Variants in TCF7L2 observed in about 807,000 individuals in gnomAD.
The protein encoded by TCF7L2 is transcription factor 7 like 2.
Under a neutral mutation model 77.9 loss-of-function variants are expected in TCF7L2, and 23 were observed. That is an observed-to-expected ratio of 0.30 (90% confidence interval 0.21 to 0.42). The LOEUF is 0.42. TCF7L2 is among the 10% of genes least tolerant of loss of function. TCF7L2 has a pLI of 1.00. For missense variants in TCF7L2, 654 were observed against 793.1 expected, an observed-to-expected ratio of 0.82 and a Z score of 2.11; for synonymous variants, 413 against 340.2, an observed-to-expected ratio of 1.21 and a Z score of -2.36.
chr10:113,067,824 G>A (rs560050666), intron 5 of TCF7L2, among the ~76,000 whole-genome samples: 83 of 147,702 alleles, frequency 5.6e-4, no homozygotes, highest in African/African-American at 1.4e-3. Context: ...CCTTTAGCTC[G>A]GACACTTAGA....
chr10:113,083,317 C>T (rs2059503595), intron 5 of TCF7L2, among the ~76,000 whole-genome samples: 2 of 151,680 alleles, frequency 1.3e-5, no homozygotes, highest in African/African-American at 2.4e-5. Flanking sequence ...CCCATACTCA[C>T]ACCTTGCCAC....
intron 4 of TCF7L2, among the ~76,000 whole-genome samples, chr10:113,014,558 C>T (rs150273630): frequency 4.6e-5 from 7 of 151,844 alleles, no homozygotes; most frequent in Non-Finnish European, 8.8e-5. Context: ...TTTGGGAGGC[C>T]GAGGGGGCGC....
At chr10:112,963,713 T>C (rs2035861075) in intron 3 of TCF7L2, among the ~76,000 whole-genome samples, 1 of 152,194 alleles carries the variant, frequency 6.6e-6, no homozygotes, top group African/African-American at 2.4e-5. Context: ...AAGATGAGAA[T>C]TGGGTGAACA....
intron 5 of TCF7L2, among the ~76,000 whole-genome samples, chr10:113,043,763 T>C (rs929116806): frequency 1.3e-5 from 2 of 152,196 alleles, no homozygotes; most frequent in East Asian, 3.9e-4. Context: ...ATTTATATTT[T>C]TAATTCTTTG....
chr10:113,081,979 A>G (rs971328447), intron 5 of TCF7L2, among the ~76,000 whole-genome samples: 2 of 152,182 alleles, frequency 1.3e-5, no homozygotes, highest in African/African-American at 4.8e-5. Context: ...GTGGGATTAC[A>G]GGTGCCTGCC....
chr10:112,993,181 A>G (rs1378475360), intron 4 of TCF7L2, among the ~76,000 whole-genome samples: 2 of 152,162 alleles, frequency 1.3e-5, no homozygotes. Flanking sequence ...AGAGTCTTCC[A>G]GGGGCAGGAC....
At chr10:113,040,412 A>G (rs2052233917) in intron 5 of TCF7L2, among the ~76,000 whole-genome samples, 1 of 152,212 alleles carries the variant, frequency 6.6e-6, no homozygotes, top group Non-Finnish European at 1.5e-5. Flanking sequence ...CACAATCACC[A>G]TGGTATGGAG....
chr10:113,008,174 C>T (rs542205777), intron 4 of TCF7L2, among the ~76,000 whole-genome samples: 4 of 152,098 alleles, frequency 2.6e-5, no homozygotes, highest in African/African-American at 9.7e-5. Context: ...TTCAGATTTT[C>T]ATCCAAAGCT....
intron 8 of TCF7L2, 49 bp from the exon 9 acceptor site, chr10:113,150,949 C>T (rs2137123449): frequency 1.9e-6 from 3 of 1,611,064 alleles, no homozygotes; most frequent in Non-Finnish European, 2.5e-6. Context: ...CATCCCTCCT[C>T]ATTCATTCAT....
chr10:112,952,463 AG>A (rs914556971), intron 3 of TCF7L2, among the ~76,000 whole-genome samples: 1 of 151,914 alleles, frequency 6.6e-6, no homozygotes, highest in African/African-American at 2.4e-5. Context: ...TGGGGCGGGG[AG>A]GCCCCTGCGG....
chr10:113,004,801 T>C (rs1461749298), intron 4 of TCF7L2, among the ~76,000 whole-genome samples: 1 of 152,040 alleles, frequency 6.6e-6, no homozygotes, highest in Non-Finnish European at 1.5e-5. Context: ...GCCTCCTGAG[T>C]AGCTGGGATG....
chr10:113,079,587 A>T (rs962464108), intron 5 of TCF7L2, among the ~76,000 whole-genome samples: 8 of 152,176 alleles, frequency 5.3e-5, no homozygotes. Flanking sequence ...ATCCCTAAAA[A>T]CTGAGGGTTG....
intron 4 of TCF7L2, among the ~76,000 whole-genome samples, chr10:112,989,677 C>G (rs1234987386): frequency 1.3e-5 from 2 of 152,122 alleles, no homozygotes; most frequent in African/African-American, 4.8e-5. Context: ...GGATGGCAGT[C>G]CTTGCTTGCT....
chr10:112,951,572 C>G lies in TCF7L2; in HGVS notation c.346C>G (p.Leu116Val). ...GATCCCCGACCTGACGAGCCCCTAC[C>G]TCCCCAACGGATCGCTCTCGCCCAC... is the stretch of plus-strand genomic sequence containing the variant. Residue 116 changes from leucine to valine, a missense_variant, in exon 3 of 14, where the codon CTC (leucine) becomes GTC (valine). Leu to Val is a conservative substitution (Grantham distance 32). Around this residue, in one of 6 missense-constraint regions of TCF7L2, gnomAD observed 132 missense variants for 123.7 expected, o/e 1.07. Transcript: ENST00000627217. The G allele has an allele frequency of 7.2e-7, 1 of 1,380,100 alleles. No individual in the cohort carries two copies. Among genetic ancestry groups the G allele is most frequent in the Non-Finnish European group, 9.6e-7 (1 of 1,038,902 alleles). 85.5% of individuals were successfully genotyped at this position (1,380,100 alleles called of 1,614,324 possible).
chr10:113,131,086 CA>C (rs895929375), intron 5 of TCF7L2, among the ~76,000 whole-genome samples: 1 of 152,144 alleles, frequency 6.6e-6, no homozygotes, highest in Non-Finnish European at 1.5e-5. Context: ...TCTTTTGCCA[CA>C]AGCTGTAAGA....
In TCF7L2 at chr10:113,151,616, A is replaced by C. The variant is rs2070775355; in HGVS notation, c.1002-109A>C. Reference sequence around the variant, plus strand: ...GAACTAAAAGCATGCTTTTTAATCCAAAACTGCTAGGCTTGGGGGTTATGA... The same window carrying C: ...GAACTAAAAGCATGCTTTTTAATCCCAAACTGCTAGGCTTGGGGGTTATGA... On this transcript the variant is annotated intron_variant, in intron 9 of 13. Coordinates refer to ENST00000627217, the MANE Select transcript of TCF7L2 (RefSeq NM_001146274.2). The surrounding 1 kb of genome is among the most constrained non-coding windows in gnomAD (Gnocchi z 5.2). 1.4e-6 allele frequency: 2 copies of C among 1,385,326 alleles called. No homozygotes were observed. The highest frequency in any genetic ancestry group is 2.9e-5 in the African/African-American group (2 of 68,738). 85.8% of individuals were successfully genotyped at this position (1,385,326 alleles called of 1,614,324 possible). A position where few individuals can be genotyped will look rare whatever the true frequency, so the allele number is the denominator to read the frequency against.
intron 7 of TCF7L2, among the ~76,000 whole-genome samples, chr10:113,144,967 T>C (rs182297940): frequency 2.3e-3 from 355 of 152,304 alleles, no homozygotes; most frequent in African/African-American, 7.8e-3. Flanking sequence ...GGACAATACA[T>C]TGAATGCTAA....
chr10:113,136,412 G>A (rs2067403988), intron 5 of TCF7L2, among the ~76,000 whole-genome samples: 1 of 152,188 alleles, frequency 6.6e-6, no homozygotes, highest in Admixed American at 6.5e-5. Flanking sequence ...AATTATGTGA[G>A]TTATTCATAT....
chr10:112,985,667 C>T (rs1284302693), intron 4 of TCF7L2, among the ~76,000 whole-genome samples: 1 of 152,160 alleles, frequency 6.6e-6, no homozygotes, highest in African/African-American at 2.4e-5. Context: ...GGCTGGCAGC[C>T]TTGCTTTTTT....
Sources: gnomAD v4.1 joint callset for allele counts (sites outside exome capture counted in the v4.1 genomes callset) on GRCh38, gnomAD v4.1.1 for gene constraint, gnomAD v4.1.1 regional missense constraint, Gnocchi (gnomAD v3.1) non-coding constraint, MANE v1.5 for transcripts, NCBI Gene and HGNC (gene_info 2026-07-23, HGNC 2026-07-21) for gene names.